Variants in UCN3 observed in about 807,000 individuals in gnomAD.
The protein encoded by UCN3 is urocortin-3.
Under a neutral mutation model 3.6 loss-of-function variants are expected in UCN3, and 3 were observed. The ratio of observed to expected loss-of-function variants is 0.83; its 90% confidence interval spans 0.38 to 2.15. UCN3 has a LOEUF of 2.15. Ranked by LOEUF, UCN3 falls within the 30% of genes most tolerant of loss-of-function variation. The probability of loss-of-function intolerance (pLI) is 0.06; values close to 1 mark genes in which losing one functional copy is unlikely to be tolerated. For missense variants in UCN3, 206 were observed against 208.3 expected, an observed-to-expected ratio of 0.99 and a Z score of 0.07; for synonymous variants, 100 against 93.2, an observed-to-expected ratio of 1.07 and a Z score of -0.42.
chr10:5,370,871 G>GCGTGTGTATGCGTGTGTATGTGTGTATA (rs1339938939), intron 1 of UCN3, among the ~76,000 whole-genome samples: 7 of 135,326 alleles, frequency 5.2e-5, no homozygotes, highest in African/African-American at 1.8e-4. Context: ...GCGTGTGTAT[G>GCGTGTGTATGCGTGTGTATGTGTGTATA]TGTGTGTATA....
At chr10:5,369,975 A>G (rs200148201) in intron 1 of UCN3, among the ~76,000 whole-genome samples, 3 of 76,314 alleles carry the variant, frequency 3.9e-5, no homozygotes, top group African/African-American at 6.7e-5. Context: ...GCGTGTGTAT[A>G]TGCGTGTGTA....
At chr10:5,370,374 T>C (rs1364511629) in intron 1 of UCN3, among the ~76,000 whole-genome samples, 1 of 72,816 alleles carries the variant, frequency 1.4e-5, no homozygotes, top group Admixed American at 1.3e-4. Flanking sequence ...TGCGTGTGTA[T>C]ATGCGTGTAT....
rs1564443677 is a variant in UCN3, at chr10:5,370,857, G to GTATGTGTGTATATGTGTGTA, written c.-6-2857_-6-2856insATGTGTGTATATGTGTGTAT. ...TGTGTGCGCGTGTGTGTGCGCGTGT[G>GTATGTGTGTATATGTGTGTA]TGTGCGTGTGTATGTGTGTGTATAT... is the stretch of plus-strand genomic sequence containing the variant. On this transcript the variant is annotated intron_variant, in intron 1 of 1. Coordinates refer to ENST00000380433, the MANE Select transcript of UCN3 (RefSeq NM_053049.4). 7.0e-5 allele frequency among the ~76,000 whole-genome samples: 7 copies of GTATGTGTGTATATGTGTGTA among 99,826 alleles called. 1 individual carries two copies. Among genetic ancestry groups the GTATGTGTGTATATGTGTGTA allele is most frequent in the African/African-American group, 2.7e-4 (7 of 25,908 alleles). 65.5% of individuals were successfully genotyped at this position (99,826 alleles called of 152,430 possible).
In UCN3 at chr10:5,370,317, G is replaced by A. The variant is rs200309827; in HGVS notation, c.-6-3398G>A. On this transcript the variant is annotated intron_variant, in intron 1 of 1. Transcript: ENST00000380433. ...TGTATGCGTGTGTATATGCGTGTAT[G>A]TGTGTGTATATGCGTGTGTATATGC... 1.1e-3 allele frequency among the ~76,000 whole-genome samples: 54 copies of A among 47,226 alleles called. 2 individuals carry two copies. The highest frequency in any genetic ancestry group is 2.3e-3 in the South Asian group (2 of 860). 31.0% of individuals were successfully genotyped at this position (47,226 alleles called of 152,430 possible).
At chr10:5,370,857 G>GTGTGCGTGTGTA in intron 1 of UCN3, among the ~76,000 whole-genome samples, 1 of 99,752 alleles carries the variant, frequency 1.0e-5, no homozygotes, top group Non-Finnish European at 2.0e-5. Flanking sequence ...GTGCGCGTGT[G>GTGTGCGTGTGTA]TGTGCGTGTG....
rs1373185440 is a variant in UCN3 at position 5,370,219 on chromosome 10, G to GTGTA, written c.-6-3495_-6-3494insGTAT. 6.4e-4 allele frequency among the ~76,000 whole-genome samples: 57 copies of GTGTA among 89,482 alleles called. 8 individuals carry two copies. Among genetic ancestry groups the GTGTA allele is most frequent in the Non-Finnish European group, 1.1e-3 (50 of 46,184 alleles). 58.7% of individuals were successfully genotyped at this position (89,482 alleles called of 152,430 possible). ...TGTGTATATGCGTGTGTATGTGTGT[G>GTGTA]TATGTGCGTGTGTGTATGCGTGTGT... is the stretch of plus-strand genomic sequence containing the variant. On this transcript the variant is annotated intron_variant, in intron 1 of 1. Coordinates refer to ENST00000380433, the MANE Select transcript of UCN3 (RefSeq NM_053049.4).
intron 1 of UCN3, among the ~76,000 whole-genome samples, chr10:5,370,850 C>CGGATGTGTGT (rs1554811415): frequency 1.6e-5 from 1 of 63,652 alleles, no homozygotes; most frequent in South Asian, 8.9e-4. Context: ...CGTGTGTGTG[C>CGGATGTGTGT]GCGTGTGTGT....
rs1404392725 is a variant in UCN3 at position 5,367,586 on chromosome 10, T to G, written c.-7+2356T>G. ...CTGAGAGCCAAATGACCCAGAGGGA[T>G]AGTGAAAGGCTTGGCATATTTAGCA... On this transcript the variant is annotated intron_variant, in intron 1 of 1. Coordinates refer to ENST00000380433, the MANE Select transcript of UCN3 (RefSeq NM_053049.4). This position sits in a 1 kb window ranked among gnomAD's most constrained non-coding sequence, Gnocchi z 4.3. 6.6e-6 allele frequency among the ~76,000 whole-genome samples: 1 copy of G among 152,162 alleles called. No homozygotes were observed. The highest frequency in any genetic ancestry group is 1.5e-5 in the Non-Finnish European group (1 of 68,032).
intron 1 of UCN3, 145 bp from the exon 2 acceptor site, chr10:5,373,570 C>T (rs572442890): frequency 1.4e-4 from 183 of 1,332,756 alleles, no homozygotes; most frequent in Admixed American, 6.9e-4. Context: ...AGTCCCAGCC[C>T]GGGCTGATGC....
At position 5,371,439 on chromosome 10, in the gene UCN3, CTG is replaced by C. The variant is rs1173811479; in HGVS notation, c.-6-2266_-6-2265del. 8.5e-5 allele frequency among the ~76,000 whole-genome samples: 13 copies of C among 152,068 alleles called. No individual in the cohort carries two copies. The South Asian group carries it at 2.7e-3, about 32-fold the overall frequency. On this transcript the variant is annotated intron_variant, in intron 1 of 1. Transcript: ENST00000380433. ...GTGCTTGTCTATGTTCCTGTGCGTC[CTG>C]TGTGTGTGTCTGTTTCCAGGGTAAG...
Position 5,373,771 on chromosome 10 carries a change from C to T in UCN3, c.51C>T (p.Gly17=). ...FLLLLLLLLG[G]PRTGLPHKFY... The stretch of plus-strand genomic sequence containing the variant: ...TGCTCCTGCTGCTGCTCCTGGGGGG[C>T]CCCAGGACAGGCCTCCCCCACAAGT... The change falls in exon 2 of 2, where the codon GGC becomes GGT. Residue 17 remains glycine, a synonymous_variant. Coordinates refer to ENST00000380433, the MANE Select transcript of UCN3 (RefSeq NM_053049.4). 2 of 1,613,886 alleles carry T rather than the reference C, an allele frequency of 1.2e-6. No individual in the cohort carries two copies. The highest frequency in any genetic ancestry group is 8.5e-7 in the Non-Finnish European group (1 of 1,179,908).
In UCN3 at chr10:5,369,917, GTGTGTGTATGTGTGTGTGTGTA is replaced by G. The variant is rs1564442075; in HGVS notation, c.-6-3790_-6-3769del. Among the ~76,000 whole-genome samples, 84 of 125,792 alleles carry G rather than the reference GTGTGTGTATGTGTGTGTGTGTA, an allele frequency of 6.7e-4. 14 individuals carry two copies. Among genetic ancestry groups the G allele is most frequent in the South Asian group, 2.8e-3 (9 of 3,234 alleles). The allele number at this position is 125,792 out of a possible 152,430, so 82.5% of individuals were successfully genotyped here. ...TGTGTGTATATGTGTGTGTGTATAT[GTGTGTGTATGTGTGTGTGTGTA>G]TGTGTGTGTATATGTGTGTGTATAT... On this transcript the variant is annotated intron_variant, in intron 1 of 1. Coordinates refer to ENST00000380433, the MANE Select transcript of UCN3 (RefSeq NM_053049.4).
chr10:5,370,524 T>TATGC (rs1564443121), intron 1 of UCN3, among the ~76,000 whole-genome samples: 9 of 97,996 alleles, frequency 9.2e-5, no homozygotes, highest in Non-Finnish European at 8.4e-5. Context: ...TGTGTGTGTA[T>TATGC]GTGTGTGTGT....
At chr10:5,371,103 T>A (rs1554811493) in intron 1 of UCN3, among the ~76,000 whole-genome samples, 1 of 151,360 alleles carries the variant, frequency 6.6e-6, no homozygotes, top group African/African-American at 2.4e-5. Context: ...TATGGTTGTG[T>A]GTATGCATGT....
rs138823043 is a variant in UCN3, at chr10:5,367,812, T to A, written c.-7+2582T>A. Among the ~76,000 whole-genome samples the A allele has an allele frequency of 6.6e-3, 1,005 of 152,152 alleles. 7 individuals carry two copies. The highest frequency in any genetic ancestry group is 9.4e-3 in the Non-Finnish European group (641 of 67,994). ...AAAGTTCTAAGTGCTTGAGGGTAAA[T>A]GCAGAATGCTGCCCCGGGAAGGAAA... On this transcript the variant is annotated intron_variant, in intron 1 of 1. Transcript: ENST00000380433. The surrounding 1 kb of genome is among the most constrained non-coding windows in gnomAD (Gnocchi z 4.3).
Position 5,366,698 on chromosome 10 carries a change from A to G in UCN3, c.-7+1468A>G, listed in dbSNP as rs1355116300. 1.3e-5 allele frequency among the ~76,000 whole-genome samples: 2 copies of G among 152,144 alleles called. No individual in the cohort carries two copies. The highest frequency in any genetic ancestry group is 2.4e-5 in the African/African-American group (1 of 41,414). On this transcript the variant is annotated intron_variant, in intron 1 of 1. Transcript: ENST00000380433. The surrounding 1 kb of genome is among the most constrained non-coding windows in gnomAD (Gnocchi z 4.2). ...GCAAAGAACCCTTACATTTTAAACG[A>G]TCTAAAACTAAGCTCAGCACCGGGC...
chr10:5,374,463 T>C lies in UCN3; in HGVS notation c.*257T>C. 2 of 428,176 alleles carry C rather than the reference T, an allele frequency of 4.7e-6. No individual in the cohort carries two copies. The highest frequency in any genetic ancestry group is 8.6e-6 in the Non-Finnish European group (2 of 233,868). The allele number at this position is 428,176 out of a possible 1,614,324, so 26.5% of individuals were successfully genotyped here. A position where few individuals can be genotyped will look rare whatever the true frequency, so the allele number is the denominator to read the frequency against. On this transcript the variant is annotated 3_prime_UTR_variant, in exon 2 of 2. Transcript: ENST00000380433. ...CCAGACACAAAGCAGCTAACGTTCCTCCCTGTACTCAGCGTCTCCTTCCTC... is the reference window on the plus strand; with the variant it reads ...CCAGACACAAAGCAGCTAACGTTCCCCCCTGTACTCAGCGTCTCCTTCCTC...
intron 1 of UCN3, among the ~76,000 whole-genome samples, chr10:5,371,045 ATG>A (rs370398606): frequency 0.013 from 1,913 of 146,056 alleles, 44 homozygotes; most frequent in African/African-American, 0.031. Flanking sequence ...GTCTATATGT[ATG>A]TGTGTGTATG....
At chr10:5,370,161 G>GTA (rs1230754519) in intron 1 of UCN3, among the ~76,000 whole-genome samples, 1 of 80,840 alleles carries the variant, frequency 1.2e-5, no homozygotes, top group South Asian at 5.2e-4. Flanking sequence ...ATATGTGTGT[G>GTA]TATATGTGTG....
Sources: allele counts gnomAD v4.1 joint callset (sites outside exome capture counted in the v4.1 genomes callset), GRCh38; gene constraint gnomAD v4.1.1; non-coding constraint Gnocchi (gnomAD v3.1); transcripts MANE v1.5; gene names NCBI Gene and HGNC (gene_info 2026-07-23, HGNC 2026-07-21).